The following TMEM245 variants were observed in gnomAD, a reference collection of about 807,000 sequenced individuals.
TMEM245 encodes protein CG-2.
Under a neutral mutation model 101.2 loss-of-function variants are expected in TMEM245, and 69 were observed. That is an observed-to-expected ratio of 0.68 (90% CI 0.56 to 0.83). The LOEUF is 0.83. Ranked by LOEUF, TMEM245 falls within the 40% of genes least tolerant of loss-of-function variation. The probability of loss-of-function intolerance (pLI) is 0.00; values close to 1 mark genes in which losing one functional copy is unlikely to be tolerated. For missense variants in TMEM245, 1,075 were observed against 1,092.8 expected (o/e 0.98, Z 0.23); for synonymous variants, 537 against 449.8 (o/e 1.19, Z -2.45).
intron 2 of TMEM245, among the ~76,000 whole-genome samples, chr9:109,107,152 C>A (rs1830449802): frequency 6.6e-6 from 1 of 151,950 alleles, no homozygotes; most frequent in African/African-American, 2.4e-5. Context: ...CTTTGGGGGG[C>A]TGAGGCAGGT....
rs1413233449 is a variant in TMEM245 at position 109,057,259 on chromosome 9, G to T, written c.1786C>A (p.Leu596Met). ...KLHVSRQNSW[L>M]GDILDWQDIV... The stretch of plus-strand genomic sequence containing the variant: ...TCCTGCCAGTCCAGAATGTCTCCCA[G>T]CCAGCTATTCTGACGACTGACATGC... Residue 596 changes from leucine to methionine, a missense_variant, in exon 12 of 18, where the codon CTG becomes ATG. Coordinates refer to ENST00000374586, the MANE Select transcript of TMEM245 (RefSeq NM_032012.4). 1 of 1,613,962 alleles carries T rather than the reference G, an allele frequency of 6.2e-7. No homozygotes were observed. The highest frequency in any genetic ancestry group is 1.3e-5 in the African/African-American group (1 of 74,934).
chr9:109,072,446 G>C (rs1588051860), intron 9 of TMEM245, among the ~76,000 whole-genome samples: 1 of 152,184 alleles, frequency 6.6e-6, no homozygotes, highest in Non-Finnish European at 1.5e-5. Context: ...CTGCTTTTTA[G>C]ATCTAAGTGA....
intron 14 of TMEM245, among the ~76,000 whole-genome samples, chr9:109,045,049 C>A (rs1483484009): frequency 4.6e-5 from 7 of 152,266 alleles, no homozygotes; most frequent in Non-Finnish European, 7.4e-5. Context: ...CGTGAGCCAC[C>A]GTACCTGGCC....
rs1171914101 is a variant in TMEM245, at chr9:109,119,893, A to G, written c.21T>C (p.Pro7=). The change falls in exon 1 of 18, where the codon CCT becomes CCC. Residue 7 remains proline (P), a synonymous_variant. Coordinates refer to ENST00000374586, the MANE Select transcript of TMEM245 (RefSeq NM_032012.4). MADGGG[P]KDAPSLRSSP... ...AGCTCCGCAGGCTTGGCGCGTCCTTAGGGCCGCCGCCGTCGGCCATCGTTC... is the reference window on the plus strand; with the variant it reads ...AGCTCCGCAGGCTTGGCGCGTCCTTGGGGCCGCCGCCGTCGGCCATCGTTC... 1.6e-6 allele frequency: 2 copies of G among 1,273,508 alleles called. No individual in the cohort carries two copies. Among genetic ancestry groups the G allele is most frequent in the Non-Finnish European group, 2.0e-6 (2 of 1,015,396 alleles). The allele number at this position is 1,273,508 out of a possible 1,614,324, so 78.9% of individuals were successfully genotyped here. A position where few individuals can be genotyped will look rare whatever the true frequency, so the allele number is the denominator to read the frequency against.
rs527420541 is a variant in TMEM245 at position 109,034,855 on chromosome 9, C to T, written c.2399+1351G>A. Among the ~76,000 whole-genome samples the T allele has an allele frequency of 1.1e-4, 17 of 152,096 alleles. No individual in the cohort carries two copies. In the South Asian group the frequency reaches 2.3e-3, roughly 20 times the overall value. ...CAAACCTTTCATTTCCCAATAACAA[C>T]GTTTAAAGACAGTATTTTAGGCCGG... On this transcript the variant is annotated intron_variant, in intron 16 of 17. Transcript: ENST00000374586.
intron 1 of TMEM245, among the ~76,000 whole-genome samples, chr9:109,119,133 C>A (rs1426160325): frequency 6.6e-6 from 1 of 152,242 alleles, no homozygotes; most frequent in East Asian, 1.9e-4. Context: ...AGCAGGGAGG[C>A]TGTTTCAAAT....
At chr9:109,079,533 G>A (rs544443748) in intron 8 of TMEM245, among the ~76,000 whole-genome samples, 7 of 152,182 alleles carry the variant, frequency 4.6e-5, no homozygotes, top group Admixed American at 3.9e-4. Context: ...AGCTGTACTG[G>A]CCAGGAGAAT....
chr9:109,090,884 C>A (rs746636542), intron 5 of TMEM245, 38 bp downstream of exon 5: 19 of 1,568,898 alleles, frequency 1.2e-5, no homozygotes, highest in Non-Finnish European at 1.6e-5. Context: ...AATCAATCTT[C>A]AAAGACAAGA....
chr9:109,109,518 C>T (rs1422789642), intron 1 of TMEM245, among the ~76,000 whole-genome samples: 1 of 151,708 alleles, frequency 6.6e-6, no homozygotes, highest in Non-Finnish European at 1.5e-5. Flanking sequence ...GATGGGATTA[C>T]TAAAAAAGAC....
chr9:109,033,347 G>T lies in TMEM245; in HGVS notation c.2554C>A (p.Pro852Thr), dbSNP rs371487901. 100 of 1,613,388 alleles carry T rather than the reference G, an allele frequency of 6.2e-5. No homozygotes were observed. The highest frequency in any genetic ancestry group is 8.1e-5 in the Non-Finnish European group (96 of 1,179,758). The change falls in exon 17 of 18, where the codon CCC becomes ACC. Residue 852 changes from proline to threonine, a missense_variant. Pro to Thr is a conservative substitution (Grantham distance 38). Around this residue, in one of 2 missense-constraint regions of TMEM245, gnomAD observed 267 missense variants for 351.3 expected, o/e 0.76. Coordinates refer to ENST00000374586, the MANE Select transcript of TMEM245 (RefSeq NM_032012.4). Reference protein sequence around the residue: ...AMLVSPTNSVPTPNQTPWPAQ... With the variant: ...AMLVSPTNSVTTPNQTPWPAQ... ...GGCCATGGGGTCTGGTTTGGCGTGG[G>T]AACTGAATTCGTGGGACTCACTAGC...
At chr9:109,107,496 G>C (rs1830460728) in intron 2 of TMEM245, among the ~76,000 whole-genome samples, 1 of 150,882 alleles carries the variant, frequency 6.6e-6, no homozygotes, top group South Asian at 2.1e-4. Flanking sequence ...AAACATCCCT[G>C]CCTGCCTGCC....
intron 15 of TMEM245, 33 bp from the exon 16 acceptor site, chr9:109,036,413 A>G (rs746412868): frequency 1.9e-6 from 3 of 1,540,846 alleles, no homozygotes; most frequent in Non-Finnish European, 2.6e-6. Context: ...ACAACTTAAC[A>G]TCATCAGCAA....
At chr9:109,079,438 G>A (rs1829606517) in intron 8 of TMEM245, among the ~76,000 whole-genome samples, 1 of 151,966 alleles carries the variant, frequency 6.6e-6, no homozygotes, top group Admixed American at 6.6e-5. Flanking sequence ...CTGGAGGAAG[G>A]TCTGGAATTC....
intron 17 of TMEM245, among the ~76,000 whole-genome samples, chr9:109,030,345 G>C (rs1436581485): frequency 2.0e-5 from 3 of 152,084 alleles, no homozygotes; most frequent in African/African-American, 7.2e-5. Context: ...GGGTCCTCAC[G>C]TTATCTTTTT....
chr9:109,088,363 A>T (rs1829901174), intron 5 of TMEM245, among the ~76,000 whole-genome samples: 1 of 152,182 alleles, frequency 6.6e-6, no homozygotes, highest in South Asian at 2.1e-4. Flanking sequence ...TTTAGGGGCC[A>T]CCTTATTCAC....
intron 14 of TMEM245, among the ~76,000 whole-genome samples, chr9:109,040,763 T>C (rs1564174767): frequency 6.6e-6 from 1 of 152,222 alleles, no homozygotes; most frequent in Non-Finnish European, 1.5e-5. Flanking sequence ...GTTGAGTATA[T>C]CAGTAGTTGG....
At chr9:109,043,791 ACT>A (rs1380268734) in intron 14 of TMEM245, among the ~76,000 whole-genome samples, 1 of 152,096 alleles carries the variant, frequency 6.6e-6, no homozygotes, top group African/African-American at 2.4e-5. Context: ...CCTGTCCCAT[ACT>A]ATATATAGAC....
chr9:109,061,024 T>C (rs1468375067), intron 10 of TMEM245, among the ~76,000 whole-genome samples: 1 of 152,220 alleles, frequency 6.6e-6, no homozygotes, highest in East Asian at 1.9e-4. Context: ...TTGTCCCACT[T>C]AGTTATTATT....
chr9:109,044,638 G>A (rs1828420908), intron 14 of TMEM245, among the ~76,000 whole-genome samples: 1 of 152,028 alleles, frequency 6.6e-6, no homozygotes, highest in Admixed American at 6.6e-5. Flanking sequence ...AAAAGTACTC[G>A]CCAGCTCCCT....
Sources: gnomAD v4.1 joint callset for allele counts (sites outside exome capture counted in the v4.1 genomes callset) on GRCh38, gnomAD v4.1.1 for gene constraint, gnomAD v4.1.1 regional missense constraint, MANE v1.5 for transcripts, NCBI Gene and HGNC (gene_info 2026-07-23, HGNC 2026-07-21) for gene names.